Variants in CDH13 observed in about 807,000 individuals in gnomAD.
CDH13 encodes the protein cadherin-13.
A neutral mutation model predicts 63.8 loss-of-function variants in CDH13; 24 were observed. The observed-to-expected ratio is 0.38, with a 90% CI of 0.27 to 0.53. The LOEUF (loss-of-function observed/expected upper bound fraction) is 0.53, where lower values mean the gene tolerates loss of function less well. CDH13 is among the 20% of genes least tolerant of loss of function. CDH13 has a pLI of 0.85. For synonymous variants in CDH13, 503 were observed against 355.3 expected (o/e 1.42, Z -4.67); for missense variants, 1,049 against 903.1 (o/e 1.16, Z -2.07).
At chr16:83,611,208 G>A (rs147952827) in intron 8 of CDH13, among the ~76,000 whole-genome samples, 2 of 151,894 alleles carry the variant, frequency 1.3e-5, no homozygotes, top group African/African-American at 4.8e-5. Flanking sequence ...TTATATACAT[G>A]TTGCAATTTT....
chr16:83,703,266 T>A (rs1280173194), intron 10 of CDH13, among the ~76,000 whole-genome samples: 1 of 152,224 alleles, frequency 6.6e-6, no homozygotes, highest in African/African-American at 2.4e-5. Context: ...TTCCTAGGAA[T>A]ATATCTCGAA....
At chr16:83,692,635 T>A (rs1905023327) in intron 10 of CDH13, among the ~76,000 whole-genome samples, 2 of 152,286 alleles carry the variant, frequency 1.3e-5, no homozygotes, top group African/African-American at 4.8e-5. Context: ...AATAGAGACT[T>A]TCGGACTTGA....
At chr16:83,199,860 G>C (rs1378219819) in intron 4 of CDH13, among the ~76,000 whole-genome samples, 10 of 152,096 alleles carry the variant, frequency 6.6e-5, no homozygotes, top group Admixed American at 6.5e-4. Flanking sequence ...ATTTGCCCAA[G>C]GTTAAAACCA....
chr16:83,690,670 G>A (rs908753334), intron 10 of CDH13, among the ~76,000 whole-genome samples: 1 of 152,170 alleles, frequency 6.6e-6, no homozygotes, highest in East Asian at 1.9e-4. Context: ...ATGGGTCTGG[G>A]CAGGGATGGT....
intron 1 of CDH13, among the ~76,000 whole-genome samples, chr16:82,795,510 A>T (rs1358077301): frequency 2.6e-5 from 4 of 152,190 alleles, no homozygotes; most frequent in Admixed American, 2.6e-4. Flanking sequence ...TGCCCTGGCC[A>T]CCTGTCCCAC....
chr16:83,705,715 C>A (rs968520473), intron 10 of CDH13, among the ~76,000 whole-genome samples: 15 of 152,312 alleles, frequency 9.8e-5, no homozygotes, highest in Admixed American at 9.8e-4. Flanking sequence ...TGCATTTTAT[C>A]ATTTCATCCT....
chr16:83,182,989 GAATAAAA>G (rs1418811158), intron 4 of CDH13, among the ~76,000 whole-genome samples: 1 of 151,738 alleles, frequency 6.6e-6, no homozygotes, highest in East Asian at 1.9e-4. Flanking sequence ...CAGTAAAAAA[GAATAAAA>G]AATAAAAATT....
chr16:83,203,799 G>A (rs531034637), intron 4 of CDH13, among the ~76,000 whole-genome samples: 1 of 152,134 alleles, frequency 6.6e-6, no homozygotes, highest in South Asian at 2.1e-4. Flanking sequence ...CAACTCCAGG[G>A]AAGTGAAGTT....
At chr16:83,604,816 C>T (rs1436531948) in intron 8 of CDH13, among the ~76,000 whole-genome samples, 1 of 152,142 alleles carries the variant, frequency 6.6e-6, no homozygotes, top group Non-Finnish European at 1.5e-5. Context: ...GTGTTACCAG[C>T]TGTGTGAGAT....
At chr16:83,310,952 T>C (rs574273039) in intron 5 of CDH13, among the ~76,000 whole-genome samples, 264 of 152,282 alleles carry the variant, frequency 1.7e-3, no homozygotes, top group Non-Finnish European at 3.0e-3. Flanking sequence ...GACAGGAAGT[T>C]CCAGAAAGAC....
At chr16:82,727,139 T>C (rs115205758) in intron 1 of CDH13, among the ~76,000 whole-genome samples, 1 of 151,786 alleles carries the variant, frequency 6.6e-6, no homozygotes, top group Non-Finnish European at 1.5e-5. Flanking sequence ...AGGGAAGGAG[T>C]GGCAAATCAA....
chr16:83,722,989 C>T (rs143602712), intron 10 of CDH13, among the ~76,000 whole-genome samples: 3 of 152,304 alleles, frequency 2.0e-5, no homozygotes, highest in Admixed American at 6.5e-5. Flanking sequence ...GAGCTGTGAC[C>T]TTCTAGTTTC....
At chr16:83,781,499 A>G (rs576068315) in intron 12 of CDH13, among the ~76,000 whole-genome samples, 2 of 152,326 alleles carry the variant, frequency 1.3e-5, no homozygotes, top group East Asian at 3.9e-4. Context: ...AACATTTTCT[A>G]TTTAAAAATC....
intron 1 of CDH13, among the ~76,000 whole-genome samples, chr16:82,818,797 G>A (rs1374664662): frequency 6.6e-6 from 1 of 152,186 alleles, no homozygotes; most frequent in East Asian, 1.9e-4. Flanking sequence ...CTCTGGTGTT[G>A]CATTTGCGTA....
chr16:82,892,924 AT>A (rs2041130544), intron 2 of CDH13, among the ~76,000 whole-genome samples: 1 of 152,232 alleles, frequency 6.6e-6, no homozygotes, highest in Non-Finnish European at 1.5e-5. Context: ...CCCTAAACAC[AT>A]TTTGACATTT....
chr16:83,635,561 C>T (rs1008175385), intron 8 of CDH13, among the ~76,000 whole-genome samples: 17 of 151,984 alleles, frequency 1.1e-4, no homozygotes, highest in African/African-American at 4.1e-4. Context: ...CCAGGCTGGT[C>T]TCGAACTCCT....
At chr16:83,274,529 G>A (rs1415950216) in intron 5 of CDH13, among the ~76,000 whole-genome samples, 2 of 152,108 alleles carry the variant, frequency 1.3e-5, no homozygotes, top group Non-Finnish European at 2.9e-5. Context: ...TCTGATTAGT[G>A]TCTTTAGAGC....
intron 5 of CDH13, among the ~76,000 whole-genome samples, chr16:83,337,040 T>A (rs1406819079): frequency 6.6e-6 from 1 of 152,238 alleles, no homozygotes; most frequent in East Asian, 1.9e-4. Flanking sequence ...TGTTAATAGT[T>A]CGCCATGAAG....
chr16:82,860,388 T>TG (rs368818163), intron 2 of CDH13, among the ~76,000 whole-genome samples: 3,779 of 62,842 alleles, frequency 0.06, 196 homozygotes, highest in Non-Finnish European at 0.083. Context: ...TGTGTGTGTG[T>TG]GGGGGGGGGG....
Sources: allele counts gnomAD v4.1 joint callset (sites outside exome capture counted in the v4.1 genomes callset), GRCh38; gene constraint gnomAD v4.1.1; transcripts MANE v1.5; gene names NCBI Gene and HGNC (gene_info 2026-07-23, HGNC 2026-07-21).